Variants in DCN observed in about 807,000 individuals in gnomAD.
DCN encodes decorin, also known as bone proteoglycan II.
DCN carries 17 observed loss-of-function variants against 36.5 expected under a neutral mutation model. The observed-to-expected ratio is 0.47, with a 90% confidence interval of 0.32 to 0.70. The LOEUF is 0.70. DCN is among the 30% of genes least tolerant of loss of function. The pLI, the probability that DCN is intolerant of heterozygous loss-of-function variation, is 0.04. For synonymous variants in DCN, 163 were observed against 161.4 expected, an observed-to-expected ratio of 1.01 and a Z score of -0.07; for missense variants, 389 against 430.1, an observed-to-expected ratio of 0.90 and a Z score of 0.84.
At chr12:91,174,068 C>A (rs1171798815) in intron 2 of DCN, among the ~76,000 whole-genome samples, 1 of 152,100 alleles carries the variant, frequency 6.6e-6, no homozygotes, top group Non-Finnish European at 1.5e-5. Flanking sequence ...TCTTCTGGCA[C>A]CATTTCTAGA....
intron 3 of DCN, among the ~76,000 whole-genome samples, chr12:91,159,255 G>T (rs1370423201): frequency 6.6e-6 from 1 of 152,060 alleles, no homozygotes; most frequent in African/African-American, 2.4e-5. Flanking sequence ...GCTACAAAAG[G>T]ATGATACCAA....
intron 3 of DCN, among the ~76,000 whole-genome samples, chr12:91,161,644 C>T (rs957361173): frequency 1.5e-4 from 23 of 152,148 alleles, no homozygotes. Flanking sequence ...CCAGCTTGTC[C>T]TTATCCTCCA....
chr12:91,171,686 C>A (rs1295937866), intron 2 of DCN, among the ~76,000 whole-genome samples: 1 of 152,214 alleles, frequency 6.6e-6, no homozygotes, highest in Non-Finnish European at 1.5e-5. Context: ...TGGGCGACAG[C>A]AGCAGCAACT....
At chr12:91,170,902 A>T (rs1882917826) in intron 2 of DCN, among the ~76,000 whole-genome samples, 1 of 152,218 alleles carries the variant, frequency 6.6e-6, no homozygotes, top group Non-Finnish European at 1.5e-5. Flanking sequence ...TGAAACAGTT[A>T]TCCTACCTTA....
rs957483198 is a variant in DCN, at chr12:91,140,584, A to T, written c.*5474T>A. ...AAAATGTGTTGCTAACATGTACAGT[A>T]TGATTGCTTAGTTTGGACAAAGTCA... On this transcript the variant is annotated 3_prime_UTR_variant, in exon 8 of 8. Coordinates refer to ENST00000052754, the MANE Select transcript of DCN (RefSeq NM_001920.5). 6.6e-6 allele frequency: 1 copy of T among 152,172 alleles called. No individual in the cohort carries two copies. The highest frequency in any genetic ancestry group is 2.4e-5 in the African/African-American group (1 of 41,438). The allele number at this position is 152,172 out of a possible 1,614,324, so 9.4% of individuals were successfully genotyped here.
rs1044095040 is a variant in DCN at position 91,143,171 on chromosome 12, G to A, written c.*2887C>T. 3 of 152,194 alleles carry A rather than the reference G, an allele frequency of 2.0e-5. No homozygotes were observed. Among genetic ancestry groups the A allele is most frequent in the South Asian group, 2.1e-4 (1 of 4,820 alleles). 9.4% of individuals were successfully genotyped at this position (152,194 alleles called of 1,614,324 possible). On this transcript the variant is annotated 3_prime_UTR_variant, in exon 8 of 8. Transcript: ENST00000052754. ...CCTAGATTTAACCAGAAACCTAGGA[G>A]GAGCAAGGAAAGGTCCTCTCCTAAA...
chr12:91,171,241 T>C (rs1279101240), intron 2 of DCN, among the ~76,000 whole-genome samples: 1 of 152,206 alleles, frequency 6.6e-6, no homozygotes. Flanking sequence ...AACATCTTAA[T>C]GTAGTTTGTA....
chr12:91,159,154 T>TA (rs1403638148), intron 3 of DCN, among the ~76,000 whole-genome samples: 3 of 152,128 alleles, frequency 2.0e-5, no homozygotes, highest in African/African-American at 7.2e-5. Flanking sequence ...TGACCCTAGA[T>TA]ACCTGAAAAT....
chr12:91,178,317 T>C (rs771981030), intron 2 of DCN, 25 bp downstream of exon 2: 18 of 1,594,176 alleles, frequency 1.1e-5, no homozygotes, highest in Non-Finnish European at 1.5e-5. Flanking sequence ...GTAAGGTAGG[T>C]AAAGAGAAAC....
chr12:91,142,754 A>T lies in DCN; in HGVS notation c.*3304T>A, dbSNP rs1369407242. 1 of 152,222 alleles carries T rather than the reference A, an allele frequency of 6.6e-6. No individual in the cohort carries two copies. The highest frequency in any genetic ancestry group is 1.5e-5 in the Non-Finnish European group (1 of 68,030). 9.4% of individuals were successfully genotyped at this position (152,222 alleles called of 1,614,324 possible). A position where few individuals can be genotyped will look rare whatever the true frequency, so the allele number is the denominator to read the frequency against. ...TAAATGTACAACAGAGGCCTTTCCA[A>T]CCAGGAGGGGTCAGAGACAAATTTT... On this transcript the variant is annotated 3_prime_UTR_variant, in exon 8 of 8. Coordinates refer to ENST00000052754, the MANE Select transcript of DCN (RefSeq NM_001920.5).
rs1002362164 is a variant in DCN at position 91,144,093 on chromosome 12, A to G, written c.*1965T>C. The G allele has an allele frequency of 4.4e-4, 67 of 152,124 alleles. No homozygotes were observed. Among genetic ancestry groups the G allele is most frequent in the African/African-American group, 1.6e-3 (66 of 41,448 alleles). 9.4% of individuals were successfully genotyped at this position (152,124 alleles called of 1,614,324 possible). A position where few individuals can be genotyped will look rare whatever the true frequency, so the allele number is the denominator to read the frequency against. On this transcript the variant is annotated 3_prime_UTR_variant, in exon 8 of 8. Coordinates refer to ENST00000052754, the MANE Select transcript of DCN (RefSeq NM_001920.5). ...ACACTTGTCAGTTAAGCAGCAGGAT[A>G]TCTGCAGGCTTTTCCCCATAAGAGA...
chr12:91,177,716 T>A (rs1565790464), intron 2 of DCN: 1 of 695,938 alleles, frequency 1.4e-6, no homozygotes, highest in Non-Finnish European at 2.6e-6. Flanking sequence ...CATACCTTAG[T>A]GATAAATATT....
At chr12:91,161,963 T>C (rs1351829944) in intron 3 of DCN, among the ~76,000 whole-genome samples, 2 of 150,148 alleles carry the variant, frequency 1.3e-5, no homozygotes, top group Non-Finnish European at 3.0e-5. Context: ...TTTTTTGAGA[T>C]GGAGTCTCAC....
In DCN at chr12:91,164,629, G is replaced by A. The variant is rs1475661845; in HGVS notation, c.300C>T (p.Asp100=). Residue 100 remains aspartate, a synonymous_variant, in exon 3 of 8, where the codon GAC becomes GAT. Coordinates refer to ENST00000052754, the MANE Select transcript of DCN (RefSeq NM_001920.5). ...NNKITEIKDG[D]FKNLKNLHAL... Reference sequence around the variant, plus strand: ...CGTGAAGGTTCTTCAGGTTCTTAAAGTCTCCATCTTTGATTTCGGTTATTT... The same window carrying A: ...CGTGAAGGTTCTTCAGGTTCTTAAAATCTCCATCTTTGATTTCGGTTATTT... The A allele has an allele frequency of 5.6e-6, 9 of 1,606,122 alleles. No individual in the cohort carries two copies. Among genetic ancestry groups the A allele is most frequent in the East Asian group, 4.5e-5 (2 of 44,824 alleles).
At chr12:91,174,248 A>G (rs1210816916) in intron 2 of DCN, among the ~76,000 whole-genome samples, 1 of 152,036 alleles carries the variant, frequency 6.6e-6, no homozygotes, top group African/African-American at 2.4e-5. Context: ...ACATTTGGAG[A>G]TGATGTGGTC....
At chr12:91,166,022 C>T (rs1217487142) in intron 2 of DCN, among the ~76,000 whole-genome samples, 1 of 152,072 alleles carries the variant, frequency 6.6e-6, no homozygotes, top group African/African-American at 2.4e-5. Context: ...TACTTGTAAA[C>T]CACCATGGTA....
chr12:91,158,638 A>G, intron 3 of DCN, 129 bp from the exon 4 acceptor site: 2 of 686,012 alleles, frequency 2.9e-6, no homozygotes, highest in Non-Finnish European at 5.2e-6. Flanking sequence ...GAAATCAGAA[A>G]AAAATTAAGT....
intron 3 of DCN, among the ~76,000 whole-genome samples, chr12:91,162,696 A>C (rs529988526): frequency 7.6e-4 from 115 of 152,308 alleles, no homozygotes; most frequent in African/African-American, 2.6e-3. Flanking sequence ...TCACTAGGTA[A>C]GTCTCTGTAT....
At chr12:91,169,895 C>G (rs1484074161) in intron 2 of DCN, 1 of 152,348 alleles carries the variant, frequency 6.6e-6, no homozygotes, top group Non-Finnish European at 1.5e-5. Flanking sequence ...AACCCCGTCT[C>G]TACTGAAAAA....
Sources: gnomAD v4.1 joint callset for allele counts (sites outside exome capture counted in the v4.1 genomes callset) on GRCh38, gnomAD v4.1.1 for gene constraint, MANE v1.5 for transcripts, NCBI Gene and HGNC (gene_info 2026-07-23, HGNC 2026-07-21) for gene names.